Variants in PTPRG observed in about 807,000 individuals in gnomAD.
The protein encoded by PTPRG is receptor-type tyrosine-protein phosphatase gamma.
PTPRG carries 102 observed loss-of-function variants against 165.3 expected under a neutral mutation model. The observed-to-expected ratio is 0.62, with a 90% CI of 0.53 to 0.73. PTPRG has a LOEUF of 0.73. Among genes scored for constraint, PTPRG ranks in the 30% least tolerant of loss-of-function variants. The pLI is 0.00. For synonymous variants in PTPRG, 675 were observed against 669.5 expected, an observed-to-expected ratio of 1.01 and a Z score of -0.13; for missense variants, 1,866 against 1,861.4, an observed-to-expected ratio of 1.00 and a Z score of -0.05.
In PTPRG at chr3:61,609,193, T is replaced by C. The variant is rs553520307; in HGVS notation, c.85+46821T>C. On this transcript the variant is annotated intron_variant, in intron 1 of 29. Coordinates refer to ENST00000474889, the MANE Select transcript of PTPRG (RefSeq NM_002841.4). Reference sequence around the variant, plus strand: ...AGGCCGTGTCCCCTTATCTGTAAAATTGGGCTAACCATCCCTCTATACCTT... The same window carrying C: ...AGGCCGTGTCCCCTTATCTGTAAAACTGGGCTAACCATCCCTCTATACCTT... 2.6e-5 allele frequency among the ~76,000 whole-genome samples: 4 copies of C among 152,322 alleles called. No individual in the cohort carries two copies. The South Asian group carries it at 8.3e-4, about 32-fold the overall frequency.
chr3:61,562,138 C>G lies in PTPRG; in HGVS notation c.-150C>G. The G allele has an allele frequency of 6.4e-6, 3 of 469,334 alleles. No homozygotes were observed. Among genetic ancestry groups the G allele is most frequent in the African/African-American group, 2.0e-5 (1 of 49,108 alleles). 29.1% of individuals were successfully genotyped at this position (469,334 alleles called of 1,614,324 possible). Reference sequence around the variant, plus strand: ...GGGGCGCTCGGCGGCTTCCCGGATTCCAAGGGGACTCGGGCCGCCGAGCGC... The same window carrying G: ...GGGGCGCTCGGCGGCTTCCCGGATTGCAAGGGGACTCGGGCCGCCGAGCGC... On this transcript the variant is annotated 5_prime_UTR_variant, in exon 1 of 30. Coordinates refer to ENST00000474889, the MANE Select transcript of PTPRG (RefSeq NM_002841.4).
intron 2 of PTPRG, among the ~76,000 whole-genome samples, chr3:61,778,358 C>G (rs1467591478): frequency 2.0e-5 from 3 of 152,072 alleles, no homozygotes; most frequent in Non-Finnish European, 2.9e-5. Context: ...CAATCAGAGG[C>G]TGAACTGAAG....
intron 4 of PTPRG, among the ~76,000 whole-genome samples, chr3:62,048,257 T>G (rs1271135951): frequency 6.6e-6 from 1 of 152,138 alleles, no homozygotes; most frequent in African/African-American, 2.4e-5. Flanking sequence ...TATATCCACA[T>G]GAGGCAGTGT....
intron 2 of PTPRG, among the ~76,000 whole-genome samples, chr3:61,882,734 T>C (rs1017000457): frequency 1.3e-5 from 2 of 152,222 alleles, no homozygotes; most frequent in African/African-American, 4.8e-5. Flanking sequence ...GTCTTTCCCA[T>C]TGGATTGAGT....
chr3:61,647,675 C>T (rs1324054367), intron 1 of PTPRG, among the ~76,000 whole-genome samples: 1 of 151,188 alleles, frequency 6.6e-6, no homozygotes, highest in Non-Finnish European at 1.5e-5. Context: ...ACCTGTAGTC[C>T]CAGCTACTTG....
intron 1 of PTPRG, among the ~76,000 whole-genome samples, chr3:61,738,570 G>A (rs1381527180): frequency 6.6e-6 from 1 of 150,638 alleles, no homozygotes; most frequent in Non-Finnish European, 1.5e-5. Context: ...TTTTGAGATG[G>A]AGTCTCGCTC....
chr3:61,905,909 A>G (rs1478744618), intron 2 of PTPRG, among the ~76,000 whole-genome samples: 2 of 152,214 alleles, frequency 1.3e-5, no homozygotes, highest in East Asian at 1.9e-4. Flanking sequence ...TACATGTATT[A>G]TGTCTCCAGG....
intron 2 of PTPRG, among the ~76,000 whole-genome samples, chr3:61,921,680 C>T (rs1281339863): frequency 6.6e-6 from 1 of 152,118 alleles, no homozygotes; most frequent in African/African-American, 2.4e-5. Context: ...ACTTGGCTCT[C>T]ACATTTAGAC....
chr3:61,584,914 T>A (rs1700396243), intron 1 of PTPRG, among the ~76,000 whole-genome samples: 1 of 152,218 alleles, frequency 6.6e-6, no homozygotes, highest in Non-Finnish European at 1.5e-5. Context: ...GAATGGGATG[T>A]CATTCTAATC....
intron 8 of PTPRG, among the ~76,000 whole-genome samples, chr3:62,185,186 C>T (rs1433849424): frequency 2.0e-5 from 3 of 152,100 alleles, no homozygotes; most frequent in East Asian, 1.9e-4. Flanking sequence ...CAGAAATTCT[C>T]AGAGCTGGTG....
intron 1 of PTPRG, among the ~76,000 whole-genome samples, chr3:61,666,389 A>G (rs1702814677): frequency 6.6e-6 from 1 of 152,234 alleles, no homozygotes. Context: ...TTCATTTGCC[A>G]AATAATTTCC....
chr3:61,779,180 G>C (rs1029635023), intron 2 of PTPRG, among the ~76,000 whole-genome samples: 3 of 152,106 alleles, frequency 2.0e-5, no homozygotes, highest in Non-Finnish European at 4.4e-5. Context: ...CCTCATTTTG[G>C]CCATAGATTA....
intron 2 of PTPRG, among the ~76,000 whole-genome samples, chr3:61,895,151 A>G (rs2038319443): frequency 6.6e-6 from 1 of 152,152 alleles, no homozygotes; most frequent in Admixed American, 6.5e-5. Flanking sequence ...GTGTTCTAAC[A>G]GGGCTTCTGA....
At chr3:61,651,241 G>A (rs1302245220) in intron 1 of PTPRG, among the ~76,000 whole-genome samples, 1 of 151,746 alleles carries the variant, frequency 6.6e-6, no homozygotes, top group East Asian at 1.9e-4. Context: ...CTGGTATCTT[G>A]GTAGGGTTTA....
At chr3:61,629,119 C>T (rs903277174) in intron 1 of PTPRG, among the ~76,000 whole-genome samples, 5 of 152,116 alleles carry the variant, frequency 3.3e-5, no homozygotes, top group Non-Finnish European at 5.9e-5. Flanking sequence ...GCAGTTCACT[C>T]GGGGCACCTG....
At chr3:62,167,518 T>C (rs773895986) in intron 7 of PTPRG, among the ~76,000 whole-genome samples, 7 of 152,146 alleles carry the variant, frequency 4.6e-5, no homozygotes, top group Non-Finnish European at 8.8e-5. Flanking sequence ...TGAGGAAAAA[T>C]GGTGGCTCAG....
At chr3:62,236,714 C>G (rs893962994) in intron 14 of PTPRG, among the ~76,000 whole-genome samples, 1 of 152,168 alleles carries the variant, frequency 6.6e-6, no homozygotes, top group African/African-American at 2.4e-5. Flanking sequence ...TTTCTAATTC[C>G]TATATACCAA....
chr3:62,140,878 TG>T (rs1703902673), intron 6 of PTPRG, among the ~76,000 whole-genome samples: 1 of 124,140 alleles, frequency 8.1e-6, no homozygotes. Flanking sequence ...AAAAAAAGAG[TG>T]GGGTGGAGGA....
At position 62,103,122 on chromosome 3, in the gene PTPRG, C is replaced by A. The variant is rs1324611299; in HGVS notation, c.615+24864C>A. 2.0e-5 allele frequency among the ~76,000 whole-genome samples: 3 copies of A among 152,064 alleles called. No individual in the cohort carries two copies. In the East Asian group the frequency reaches 5.8e-4, roughly 29 times the overall value. ...TTTTAAAATAGACATTTTTTCCTAA[C>A]CCTCAGCTGTTCCTCATCAAGTTTT... On this transcript the variant is annotated intron_variant, in intron 5 of 29. Transcript: ENST00000474889.
Sources: allele counts gnomAD v4.1 joint callset (sites outside exome capture counted in the v4.1 genomes callset), GRCh38; gene constraint gnomAD v4.1.1; transcripts MANE v1.5; gene names NCBI Gene and HGNC (gene_info 2026-07-23, HGNC 2026-07-21).